Variants in ABI1 observed in about 807,000 individuals in gnomAD.
ABI1 encodes abl interactor 1.
A neutral mutation model predicts 54.6 loss-of-function variants in ABI1; 14 were observed. The ratio of observed to expected loss-of-function variants is 0.26; its 90% CI spans 0.17 to 0.40. The LOEUF (loss-of-function observed/expected upper bound fraction) is 0.40. ABI1 is among the 10% of genes least tolerant of loss of function. ABI1 has a pLI of 1.00. For missense variants in ABI1, 443 were observed against 598.3 expected, an observed-to-expected ratio of 0.74 and a Z score of 2.71; for synonymous variants, 194 against 209.3, an observed-to-expected ratio of 0.93 and a Z score of 0.63.
chr10:26,753,555 T>G (rs1837902450), intron 9 of ABI1, among the ~76,000 whole-genome samples: 1 of 152,204 alleles, frequency 6.6e-6, no homozygotes, highest in South Asian at 2.1e-4. Flanking sequence ...TGCATAATCA[T>G]AAAGAGATGT....
At chr10:26,796,524 T>C (rs1390615042) in intron 2 of ABI1, among the ~76,000 whole-genome samples, 1 of 152,122 alleles carries the variant, frequency 6.6e-6, no homozygotes, top group African/African-American at 2.4e-5. Context: ...GGCTGTACTA[T>C]CTAGGTTTGC....
intron 2 of ABI1, among the ~76,000 whole-genome samples, chr10:26,780,368 C>T (rs182735388): frequency 2.6e-5 from 4 of 152,278 alleles, no homozygotes; most frequent in Non-Finnish European, 1.5e-5. Context: ...GCTGGGATAA[C>T]AGGTGTATCC....
chr10:26,850,770 G>A (rs2050323960), intron 1 of ABI1, among the ~76,000 whole-genome samples: 1 of 152,048 alleles, frequency 6.6e-6, no homozygotes, highest in African/African-American at 2.4e-5. Flanking sequence ...AGCATCTTAT[G>A]TCTGAGGCAC....
In ABI1 at chr10:26,830,638, A is replaced by AC. The variant is rs1162420670; in HGVS notation, c.118-7334_118-7333insG. ...CCTGTCTCCTTTAAAAAAAAAAAAA[A>AC]AAACAAAACTACCAAACTATTTTAC... On this transcript the variant is annotated intron_variant, in intron 1 of 10. Coordinates refer to ENST00000376140, the MANE Select transcript of ABI1 (RefSeq NM_001012750.3). Among the ~76,000 whole-genome samples the AC allele has an allele frequency of 3.3e-5, 5 of 151,678 alleles. No individual in the cohort carries two copies. In the East Asian group the frequency reaches 7.8e-4, roughly 24 times the overall value.
intron 2 of ABI1, among the ~76,000 whole-genome samples, chr10:26,796,458 TACAGGTTTGTAGCCTAGGAGCA>T (rs1364973363): frequency 2.6e-5 from 4 of 152,194 alleles, no homozygotes; most frequent in African/African-American, 9.6e-5. Flanking sequence ...TAACATGCTG[TACAGGTTTGTAGCCTAGGAGCA>T]ACAGGCTGTA....
intron 7 of ABI1, chr10:26,763,814 C>T (rs1396529429): frequency 1.4e-6 from 2 of 1,399,006 alleles, no homozygotes; most frequent in Non-Finnish European, 2.0e-6. Context: ...ACTCTACTAG[C>T]ACAGAGGAGT....
chr10:26,811,329 G>C (rs1288324578), intron 2 of ABI1, among the ~76,000 whole-genome samples: 9 of 152,058 alleles, frequency 5.9e-5, no homozygotes, highest in Non-Finnish European at 1.2e-4. Context: ...ATTCAGAGAA[G>C]AATCTATATT....
chr10:26,765,810 T>C (rs1839883940), intron 6 of ABI1, among the ~76,000 whole-genome samples: 1 of 152,248 alleles, frequency 6.6e-6, no homozygotes. Context: ...ATATTTGAAA[T>C]GGTTTCCTCT....
At chr10:26,760,010 T>C (rs796946940) in intron 7 of ABI1, among the ~76,000 whole-genome samples, 8 of 151,974 alleles carry the variant, frequency 5.3e-5, no homozygotes, top group African/African-American at 1.9e-4. Context: ...GGTAGTTTTG[T>C]TTAGCAAATC....
At chr10:26,845,625 A>C (rs2049913692) in intron 1 of ABI1, among the ~76,000 whole-genome samples, 1 of 152,134 alleles carries the variant, frequency 6.6e-6, no homozygotes, top group African/African-American at 2.4e-5. Flanking sequence ...CCTGGACAAC[A>C]AGAGCGAAAC....
intron 1 of ABI1, among the ~76,000 whole-genome samples, chr10:26,837,750 G>A (rs923190686): frequency 1.3e-4 from 20 of 152,030 alleles, no homozygotes; most frequent in African/African-American, 4.1e-4. Context: ...CAGTAGCTGG[G>A]ATTACAGGTG....
At chr10:26,839,949 G>C (rs10829094) in intron 1 of ABI1, among the ~76,000 whole-genome samples, 38,686 of 151,188 alleles carry the variant, frequency 0.26, 5,553 homozygotes, top group South Asian at 0.44. Context: ...ATGATCACAC[G>C]ACTGCACTCC....
chr10:26,802,947 G>C (rs1457921102), intron 2 of ABI1, among the ~76,000 whole-genome samples: 2 of 152,174 alleles, frequency 1.3e-5, no homozygotes, highest in Non-Finnish European at 1.5e-5. Context: ...GAACAGGAGA[G>C]AAAAAGGAAA....
chr10:26,823,225 A>G lies in ABI1; in HGVS notation c.198T>C (p.Asn66=), dbSNP rs371551232. ...QSLASVAYQI[N]ALANNVLQLL... ...ACTGGAGTACATTGTTGGCCAATGC[A>G]TTTATTTGATAAGCAACACTAGCTA... is the stretch of plus-strand genomic sequence containing the variant. Residue 66 remains asparagine (N), a synonymous_variant, in exon 2 of 11, where the codon AAT becomes AAC. Coordinates refer to ENST00000376140, the MANE Select transcript of ABI1 (RefSeq NM_001012750.3). 1.9e-6 allele frequency: 3 copies of G among 1,606,416 alleles called. No individual in the cohort carries two copies. The African/African-American group carries it at 4.0e-5, about 22-fold the overall frequency.
At chr10:26,834,765 G>A (rs1347399513) in intron 1 of ABI1, among the ~76,000 whole-genome samples, 3 of 151,842 alleles carry the variant, frequency 2.0e-5, no homozygotes, top group African/African-American at 4.8e-5. Context: ...TCAGGAGTTC[G>A]AGACCAGCCT....
chr10:26,850,486 T>C (rs2050297117), intron 1 of ABI1, among the ~76,000 whole-genome samples: 2 of 151,952 alleles, frequency 1.3e-5, no homozygotes, highest in Non-Finnish European at 2.9e-5. Flanking sequence ...GGTGAAACCC[T>C]GTCCTTACTA....
chr10:26,769,831 C>CGAA (rs1840441188), intron 5 of ABI1, among the ~76,000 whole-genome samples: 1 of 152,030 alleles, frequency 6.6e-6, no homozygotes, highest in African/African-American at 2.4e-5. Context: ...CACCAATAGG[C>CGAA]GAAACAGAAG....
chr10:26,828,326 T>C (rs1331050595), intron 1 of ABI1, among the ~76,000 whole-genome samples: 1 of 152,104 alleles, frequency 6.6e-6, no homozygotes, highest in African/African-American at 2.4e-5. Context: ...ACAGATACAG[T>C]AATAATAAAA....
chr10:26,777,033 A>G, intron 3 of ABI1, 32 bp downstream of exon 3: 1 of 1,513,348 alleles, frequency 6.6e-7, no homozygotes, highest in Non-Finnish European at 8.9e-7. Flanking sequence ...GGATATGCAA[A>G]TTAGCTTGTT....
Sources: allele counts gnomAD v4.1 joint callset (sites outside exome capture counted in the v4.1 genomes callset), GRCh38; gene constraint gnomAD v4.1.1; transcripts MANE v1.5; gene names NCBI Gene and HGNC (gene_info 2026-07-23, HGNC 2026-07-21).